ELMO1: variants seen among roughly 807,000 people sequenced by gnomAD.
The protein encoded by ELMO1 is engulfment and cell motility protein 1.
ELMO1 carries 26 observed loss-of-function variants against 98.9 expected under a neutral mutation model. The ratio of observed to expected loss-of-function variants is 0.26; its 90% CI spans 0.19 to 0.36. The LOEUF is 0.36. Among genes scored for constraint, ELMO1 ranks in the 10% least tolerant of loss-of-function variants. The pLI, the probability that ELMO1 is intolerant of heterozygous loss-of-function variation, is 1.00. For synonymous variants in ELMO1, 346 were observed against 346.0 expected (o/e 1.00, Z 0.00); for missense variants, 627 against 935.2 (o/e 0.67, Z 4.30).
At chr7:37,134,167 G>C (rs1787108357) in intron 13 of ELMO1, among the ~76,000 whole-genome samples, 1 of 152,140 alleles carries the variant, frequency 6.6e-6, no homozygotes, top group African/African-American at 2.4e-5. Context: ...CTGTTGATGG[G>C]AATGTAAATT....
At chr7:36,934,674 T>C (rs1437373452) in intron 16 of ELMO1, among the ~76,000 whole-genome samples, 1 of 152,210 alleles carries the variant, frequency 6.6e-6, no homozygotes, top group African/African-American at 2.4e-5. Context: ...ATAGTTTTTT[T>C]CTCCTTGACA....
At chr7:37,076,709 TAGCA>T (rs1797599970) in intron 15 of ELMO1, among the ~76,000 whole-genome samples, 2 of 152,240 alleles carry the variant, frequency 1.3e-5, no homozygotes, top group African/African-American at 4.8e-5. Flanking sequence ...GGTGAGTATC[TAGCA>T]GCAGCAGGAC....
chr7:37,113,134 C>T (rs78987059), intron 14 of ELMO1, among the ~76,000 whole-genome samples: 3,338 of 152,318 alleles, frequency 0.022, 128 homozygotes, highest in African/African-American at 0.077. Context: ...GAGGTTAGAG[C>T]GTGTTCCAGA....
chr7:37,166,709 C>G (rs978611806), intron 13 of ELMO1, among the ~76,000 whole-genome samples: 1 of 151,970 alleles, frequency 6.6e-6, no homozygotes, highest in Non-Finnish European at 1.5e-5. Flanking sequence ...GAGATAGTTT[C>G]TTATAATTTC....
At chr7:37,231,353 G>T (rs79953263) in intron 8 of ELMO1, among the ~76,000 whole-genome samples, 4 of 150,150 alleles carry the variant, frequency 2.7e-5, no homozygotes, top group African/African-American at 9.8e-5. Flanking sequence ...AAAGCAGCAC[G>T]TTTACAGTGG....
At chr7:37,267,058 CA>C (rs1796302258) in intron 5 of ELMO1, among the ~76,000 whole-genome samples, 2 of 141,532 alleles carry the variant, frequency 1.4e-5, no homozygotes, top group Admixed American at 7.3e-5. Context: ...CACACACACA[CA>C]CACACACACA....
In ELMO1 at chr7:37,311,669, A is replaced by C. The variant is rs140784350; in HGVS notation, c.192+3181T>G. Among the ~76,000 whole-genome samples, 216 of 152,338 alleles carry C rather than the reference A, an allele frequency of 1.4e-3. 1 individual carries two copies. The highest frequency in any genetic ancestry group is 5.1e-3 in the African/African-American group (210 of 41,578). ...GTCATCTCCTGCTCTGTGCGTGCTG[A>C]GCTCCGTGACACATGCACACCCACA... On this transcript the variant is annotated intron_variant, in intron 4 of 21. Coordinates refer to ENST00000310758, the MANE Select transcript of ELMO1 (RefSeq NM_014800.11).
At chr7:37,385,591 G>A (rs976650518) in intron 1 of ELMO1, among the ~76,000 whole-genome samples, 1 of 152,160 alleles carries the variant, frequency 6.6e-6, no homozygotes, top group Admixed American at 6.5e-5. Flanking sequence ...AATCATCTCA[G>A]ACATTTGTTT....
At chr7:37,170,615 CTTTTT>C (rs543000463) in intron 13 of ELMO1, among the ~76,000 whole-genome samples, 1 of 137,934 alleles carries the variant, frequency 7.2e-6, no homozygotes, top group Admixed American at 7.3e-5. Flanking sequence ...TCCTTGCTTG[CTTTTT>C]TTTTTTTTTG....
intron 15 of ELMO1, among the ~76,000 whole-genome samples, chr7:37,044,561 C>A (rs1377931417): frequency 6.6e-6 from 1 of 152,160 alleles, no homozygotes; most frequent in African/African-American, 2.4e-5. Context: ...GGACGGCACT[C>A]TCTCTCAGCT....
chr7:36,913,849 T>A (rs1375173689), intron 16 of ELMO1, among the ~76,000 whole-genome samples: 1 of 152,172 alleles, frequency 6.6e-6, no homozygotes, highest in African/African-American at 2.4e-5. Flanking sequence ...CATACAGCAG[T>A]GGGGTAGGAT....
At chr7:36,930,649 T>C (rs1785962719) in intron 16 of ELMO1, among the ~76,000 whole-genome samples, 1 of 152,234 alleles carries the variant, frequency 6.6e-6, no homozygotes, top group Non-Finnish European at 1.5e-5. Context: ...CAGAACATGC[T>C]CAGGCACATC....
chr7:37,272,578 G>C (rs1210122403), intron 4 of ELMO1, among the ~76,000 whole-genome samples: 1 of 151,950 alleles, frequency 6.6e-6, no homozygotes, highest in East Asian at 1.9e-4. Flanking sequence ...AGAAGGCTGA[G>C]ACAGGAGAAT....
At chr7:37,138,009 A>T (rs1787375766) in intron 13 of ELMO1, among the ~76,000 whole-genome samples, 1 of 152,182 alleles carries the variant, frequency 6.6e-6, no homozygotes, top group Non-Finnish European at 1.5e-5. Flanking sequence ...TCAAGATGGA[A>T]ATTAAAAAAA....
chr7:36,982,737 A>C (rs1308544227), intron 16 of ELMO1, among the ~76,000 whole-genome samples: 2 of 152,232 alleles, frequency 1.3e-5, no homozygotes, highest in African/African-American at 4.8e-5. Context: ...GATAAGATGA[A>C]TAGCTTTTAT....
At chr7:37,092,503 TA>T (rs1422564176) in intron 15 of ELMO1, among the ~76,000 whole-genome samples, 1 of 149,434 alleles carries the variant, frequency 6.7e-6, no homozygotes, top group Non-Finnish European at 1.5e-5. Context: ...CTCAGCCTCC[TA>T]AGTAGCTGGG....
At position 37,197,595 on chromosome 7, in the gene ELMO1, ATAGAAGGCATGC is replaced by A. The variant is rs889097579; in HGVS notation, c.1086+13779_1086+13790del. On this transcript the variant is annotated intron_variant, in intron 13 of 21. Transcript: ENST00000310758. ...CACTGTCTCAGGAGAAAGGATAAAG[ATAGAAGGCATGC>A]TAGCTTTGCGTGGAGCTGATTGATG... is the stretch of plus-strand genomic sequence containing the variant. Among the ~76,000 whole-genome samples the A allele has an allele frequency of 6.6e-4, 100 of 152,330 alleles. 1 individual carries two copies. Among genetic ancestry groups the A allele is most frequent in the African/African-American group, 2.2e-3 (92 of 41,572 alleles).
rs531391036 is a variant in ELMO1, at chr7:37,110,332, A to C, written c.1192-13605T>G. 3.9e-5 allele frequency among the ~76,000 whole-genome samples: 6 copies of C among 152,230 alleles called. No individual in the cohort carries two copies. In the South Asian group the frequency reaches 1.2e-3, roughly 32 times the overall value. On this transcript the variant is annotated intron_variant, in intron 14 of 21. Coordinates refer to ENST00000310758, the MANE Select transcript of ELMO1 (RefSeq NM_014800.11). ...CAGGTGCCCAGGGAACACCAGCCTCACTCTCAGCTTCATCTCCAGGTCCCC... is the reference window on the plus strand; with the variant it reads ...CAGGTGCCCAGGGAACACCAGCCTCCCTCTCAGCTTCATCTCCAGGTCCCC...
chr7:37,299,146 GGGTT>G (rs1276314385), intron 4 of ELMO1, among the ~76,000 whole-genome samples: 1 of 54,344 alleles, frequency 1.8e-5, no homozygotes, highest in African/African-American at 6.9e-5. Context: ...CTTTTTGATG[GGGTT>G]GTTTGTTTTT....
Sources: gnomAD v4.1 joint callset for allele counts (sites outside exome capture counted in the v4.1 genomes callset) on GRCh38, gnomAD v4.1.1 for gene constraint, MANE v1.5 for transcripts, NCBI Gene and HGNC (gene_info 2026-07-23, HGNC 2026-07-21) for gene names.